ACAT2: variants seen among roughly 807,000 people sequenced by gnomAD.
ACAT2 encodes the protein acetyl-CoA acetyltransferase, cytosolic.
In ACAT2, 26 loss-of-function variants were observed where a neutral mutation model predicts 37.1. That is an observed-to-expected ratio of 0.70 (90% confidence interval 0.51 to 0.97). ACAT2 has a LOEUF of 0.97. Ranked by LOEUF, ACAT2 falls within the 50% of genes least tolerant of loss-of-function variation. The probability of loss-of-function intolerance (pLI) is 0.00; values close to 1 mark genes in which losing one functional copy is unlikely to be tolerated. For synonymous variants in ACAT2, 156 were observed against 163.6 expected (o/e 0.95, Z 0.35); for missense variants, 468 against 489.0 (o/e 0.96, Z 0.40).
chr6:159,769,406 C>T (rs1490475338), intron 4 of ACAT2, among the ~76,000 whole-genome samples: 1 of 152,070 alleles, frequency 6.6e-6, no homozygotes, highest in Non-Finnish European at 1.5e-5. Context: ...TAGAGGTGGT[C>T]ATTAAAAATT....
intron 7 of ACAT2, 131 bp from the exon 8 acceptor site, chr6:159,778,039 T>C (rs1780462287): frequency 1.6e-6 from 1 of 610,428 alleles, no homozygotes; most frequent in Admixed American, 3.2e-5. Context: ...AATGTCACTG[T>C]ATTAACCTAA....
intron 4 of ACAT2, 127 bp downstream of exon 4, chr6:159,768,755 T>C (rs1489201633): frequency 1.8e-6 from 1 of 545,608 alleles, no homozygotes; most frequent in African/African-American, 1.9e-5. Flanking sequence ...TATCTCTTCT[T>C]TGATTAACTG....
chr6:159,775,493 A>G (rs765450385), intron 5 of ACAT2, 180 bp downstream of exon 5: 242 of 655,576 alleles, frequency 3.7e-4, no homozygotes, highest in Non-Finnish European at 3.1e-4. Context: ...ACACGGTAAC[A>G]TGGGACCTAT....
At chr6:159,778,092 TTTATG>T in intron 7 of ACAT2, 73 bp from the exon 8 acceptor site, 1 of 938,738 alleles carries the variant, frequency 1.1e-6, no homozygotes, top group Admixed American at 2.1e-5. Flanking sequence ...GCAGCATATA[TTTATG>T]TTGACAAAGA....
chr6:159,778,160 T>C lies in ACAT2; in HGVS notation c.913-10T>C. 6.3e-7 allele frequency: 1 copy of C among 1,590,490 alleles called. No individual in the cohort carries two copies. The highest frequency in any genetic ancestry group is 8.6e-7 in the Non-Finnish European group (1 of 1,162,542). ...AGTTTAGACCTCTTTTCTATGAATC[T>C]TTCCTCTAGGTTACAAAAGCAGGTT... On this transcript the variant is annotated splice_polypyrimidine_tract_variant and intron_variant, in intron 7 of 8. Coordinates refer to ENST00000367048, the MANE Select transcript of ACAT2 (RefSeq NM_005891.3).
At chr6:159,767,330 T>G in intron 3 of ACAT2, 144 bp downstream of exon 3, 1 of 870,406 alleles carries the variant, frequency 1.1e-6, no homozygotes, top group African/African-American at 1.7e-5. Flanking sequence ...GATCCCTACT[T>G]GAATGTGAAG....
At chr6:159,771,011 G>C (rs1204621418) in intron 4 of ACAT2, among the ~76,000 whole-genome samples, 1 of 152,108 alleles carries the variant, frequency 6.6e-6, no homozygotes, top group Non-Finnish European at 1.5e-5. Context: ...GTTGCAGCAA[G>C]CTGAGATCAC....
intron 4 of ACAT2, 46 bp from the exon 5 acceptor site, chr6:159,775,124 C>T (rs1230050334): frequency 6.2e-7 from 1 of 1,604,400 alleles, no homozygotes; most frequent in Non-Finnish European, 8.5e-7. Flanking sequence ...TATCAAATGC[C>T]AGTTCATGAA....
At chr6:159,762,316 G>A (rs553205781) in intron 1 of ACAT2, 174 bp downstream of exon 1, 2 of 1,216,958 alleles carry the variant, frequency 1.6e-6, no homozygotes, top group South Asian at 1.6e-5. Context: ...CTGACCTGGT[G>A]CTACAGCCCC....
chr6:159,763,218 C>G (rs1387977256), intron 2 of ACAT2, among the ~76,000 whole-genome samples, 165 bp downstream of exon 2: 1 of 152,132 alleles, frequency 6.6e-6, no homozygotes, highest in Non-Finnish European at 1.5e-5. Context: ...CCTGTTGGCC[C>G]CCTTCTTCCA....
chr6:159,766,431 C>T (rs968388271), intron 2 of ACAT2, among the ~76,000 whole-genome samples: 3 of 150,556 alleles, frequency 2.0e-5, no homozygotes, highest in African/African-American at 7.3e-5. Flanking sequence ...GACGGAGTTT[C>T]GCCCTTGTTG....
At chr6:159,774,062 C>G (rs1327087659) in intron 4 of ACAT2, among the ~76,000 whole-genome samples, 1 of 152,134 alleles carries the variant, frequency 6.6e-6, no homozygotes, top group Non-Finnish European at 1.5e-5. Context: ...CCATTTTAAC[C>G]AAGTGATCAA....
rs1051413956 is a variant in ACAT2 at position 159,778,329 on chromosome 6, C to A, written c.1023+49C>A. ...AGAGCTTACCAGTGAATTTCACAAT[C>A]CAATTTTAAGATAGTATCTTCTAGG... On this transcript the variant is annotated intron_variant, in intron 8 of 8. Transcript: ENST00000367048. 9.7e-6 allele frequency: 13 copies of A among 1,338,020 alleles called. No homozygotes were observed. The African/African-American group carries it at 1.2e-4, about 12-fold the overall frequency. The allele number at this position is 1,338,020 out of a possible 1,614,324, so 82.9% of individuals were successfully genotyped here. A position where few individuals can be genotyped will look rare whatever the true frequency, so the allele number is the denominator to read the frequency against.
intron 4 of ACAT2, among the ~76,000 whole-genome samples, chr6:159,770,721 G>T (rs1174967885): frequency 6.6e-6 from 1 of 152,168 alleles, no homozygotes; most frequent in South Asian, 2.1e-4. Flanking sequence ...CAGGAAGTTT[G>T]AAGATAGATC....
chr6:159,767,107 C>CT lies in ACAT2; in HGVS notation c.294dup (p.Val99CysfsTer41). The CT allele has an allele frequency of 6.2e-7, 1 of 1,614,196 alleles. No individual in the cohort carries two copies. The highest frequency in any genetic ancestry group is 8.5e-7 in the Non-Finnish European group (1 of 1,180,036). Reference sequence around the variant, plus strand: ...ATGATCTGTGGGTCAGGCCTAAAAGCTGTGTGCCTTGCAGTCCAGTCAATA... The same window carrying CT: ...ATGATCTGTGGGTCAGGCCTAAAAGCTTGTGTGCCTTGCAGTCCAGTCAATA... On this transcript the variant is annotated frameshift_variant, in exon 3 of 9. Transcript: ENST00000367048. LOFTEE classifies it high-confidence loss of function.
chr6:159,766,997 C>T lies in ACAT2; in HGVS notation c.191-8C>T. 13 of 1,613,914 alleles carry T rather than the reference C, an allele frequency of 8.1e-6. No individual in the cohort carries two copies. The highest frequency in any genetic ancestry group is 1.1e-5 in the Non-Finnish European group (13 of 1,179,802). ...ATTGCTAAGAGTCCTCTGTGTTCCT[C>T]TTTCTAGGCTGTGGGCAGAATCCTG... On this transcript the variant is annotated splice_region_variant and splice_polypyrimidine_tract_variant and intron_variant, in intron 2 of 8. Coordinates refer to ENST00000367048, the MANE Select transcript of ACAT2 (RefSeq NM_005891.3).
At chr6:159,772,925 T>C (rs895028474) in intron 4 of ACAT2, among the ~76,000 whole-genome samples, 2 of 152,126 alleles carry the variant, frequency 1.3e-5, no homozygotes, top group Non-Finnish European at 2.9e-5. Context: ...GGCACCCAGA[T>C]TGGAGTGCAG....
rs186365885 is a variant in ACAT2, at chr6:159,763,918, G to A, written c.190+865G>A. Among the ~76,000 whole-genome samples the A allele has an allele frequency of 4.2e-3, 639 of 152,044 alleles. 6 individuals are homozygous for A. Among genetic ancestry groups the A allele is most frequent in the African/African-American group, 0.015 (613 of 41,498 alleles). On this transcript the variant is annotated intron_variant, in intron 2 of 8. Coordinates refer to ENST00000367048, the MANE Select transcript of ACAT2 (RefSeq NM_005891.3). Reference sequence around the variant, plus strand: ...AGATCAAGACCATCCTGGCTGACACGGTGAAACCCCGTTTCTACTAAAAAT... The same window carrying A: ...AGATCAAGACCATCCTGGCTGACACAGTGAAACCCCGTTTCTACTAAAAAT...
intron 2 of ACAT2, among the ~76,000 whole-genome samples, chr6:159,765,205 T>C (rs1445424794): frequency 6.6e-6 from 1 of 152,080 alleles, no homozygotes; most frequent in Non-Finnish European, 1.5e-5. Context: ...AACCTCTGCC[T>C]CCCGGGTTCC....
Sources: gnomAD v4.1 joint callset for allele counts (sites outside exome capture counted in the v4.1 genomes callset) on GRCh38, gnomAD v4.1.1 for gene constraint, MANE v1.5 for transcripts, NCBI Gene and HGNC (gene_info 2026-07-23, HGNC 2026-07-21) for gene names.